The following TUB variants were observed in gnomAD, a reference collection of about 807,000 sequenced individuals.
TUB encodes the protein tubby protein homolog.
Under a neutral mutation model 59.7 loss-of-function variants are expected in TUB, and 33 were observed. That is an observed-to-expected ratio of 0.55 (90% CI 0.42 to 0.74). The LOEUF (loss-of-function observed/expected upper bound fraction) is 0.74. Ranked by LOEUF, TUB falls within the 30% of genes least tolerant of loss-of-function variation. The pLI, the probability that TUB is intolerant of heterozygous loss-of-function variation, is 0.00. For missense variants in TUB, 659 were observed against 672.0 expected, an observed-to-expected ratio of 0.98 and a Z score of 0.21; for synonymous variants, 293 against 256.4, an observed-to-expected ratio of 1.14 and a Z score of -1.36.
Position 8,038,741 on chromosome 11 carries a change from C to T in TUB, c.-133C>T, listed in dbSNP as rs371715570. 150 of 1,500,860 alleles carry T rather than the reference C, an allele frequency of 1.0e-4. No homozygotes were observed. The South Asian group carries it at 1.7e-3, about 17-fold the overall frequency. The allele number at this position is 1,500,860 out of a possible 1,614,324, so 93.0% of individuals were successfully genotyped here. ...GTGGTTGTTAGTCTGACTGTTGCCACGGTGATGAAGGGAGACATCCAAGTG... is the reference window on the plus strand; with the variant it reads ...GTGGTTGTTAGTCTGACTGTTGCCATGGTGATGAAGGGAGACATCCAAGTG... On this transcript the variant is annotated 5_prime_UTR_variant, in exon 1 of 13. Transcript: ENST00000305253.
At chr11:8,066,573 C>T (rs112969862) in intron 2 of TUB, among the ~76,000 whole-genome samples, 1,881 of 152,296 alleles carry the variant, frequency 0.012, 26 homozygotes, top group Middle Eastern at 0.034. Context: ...GAAGCTGCCT[C>T]AGACTTCCCT....
At chr11:8,101,320 C>T (rs1944291693) in intron 11 of TUB, among the ~76,000 whole-genome samples, 166 bp from the exon 12 acceptor site, 1 of 152,210 alleles carries the variant, frequency 6.6e-6, no homozygotes, top group African/African-American at 2.4e-5. Context: ...CTCTTTCCTG[C>T]CACTTCTCCC....
At chr11:8,072,970 T>A (rs1269477577) in intron 2 of TUB, among the ~76,000 whole-genome samples, 2 of 152,248 alleles carry the variant, frequency 1.3e-5, no homozygotes, top group Non-Finnish European at 2.9e-5. Flanking sequence ...AGAGAACGTT[T>A]AGTGCTAAAA....
intron 2 of TUB, among the ~76,000 whole-genome samples, chr11:8,061,859 G>A (rs1432313643): frequency 6.6e-6 from 1 of 152,096 alleles, no homozygotes; most frequent in East Asian, 1.9e-4. Context: ...GGGCCCAGTA[G>A]AAGTGACCCC....
chr11:8,038,554 C>T (rs1942684697), upstream of TUB: 2 of 1,070,132 alleles, frequency 1.9e-6, no homozygotes, highest in Non-Finnish European at 2.3e-6. Flanking sequence ...TAGTAACCCA[C>T]AGATGCAGAG....
At chr11:8,025,773 A>C (rs2133701091) in intron 1 of TUB, among the ~76,000 whole-genome samples, 1 of 152,340 alleles carries the variant, frequency 6.6e-6, no homozygotes, top group East Asian at 1.9e-4. Context: ...GTGAATATTC[A>C]TGTACAGGTC....
intron 3 of TUB, among the ~76,000 whole-genome samples, chr11:8,091,320 C>T (rs554225708): frequency 6.6e-6 from 1 of 152,338 alleles, no homozygotes; most frequent in Admixed American, 6.5e-5. Context: ...CATACAGGCT[C>T]GGTCCCCTGT....
intron 1 of TUB, among the ~76,000 whole-genome samples, chr11:8,025,955 C>A (rs1282393725): frequency 6.6e-6 from 1 of 152,212 alleles, no homozygotes; most frequent in African/African-American, 2.4e-5. Context: ...TCCAATTCCT[C>A]TGCGTTTTTG....
chr11:8,067,228 CAG>C (rs1943261963), intron 2 of TUB, among the ~76,000 whole-genome samples: 1 of 152,344 alleles, frequency 6.6e-6, no homozygotes, highest in South Asian at 2.1e-4. Flanking sequence ...AGAGCCGGCA[CAG>C]GGCATTGTTG....
chr11:8,032,695 T>C (rs1294689776), intron 1 of TUB, among the ~76,000 whole-genome samples: 6 of 47,104 alleles, frequency 1.3e-4, no homozygotes, highest in Non-Finnish European at 3.4e-4. Context: ...CCCGCACATC[T>C]GGCTCACGCC....
chr11:8,092,849 C>T (rs1031931369), intron 3 of TUB, among the ~76,000 whole-genome samples: 4 of 152,106 alleles, frequency 2.6e-5, no homozygotes, highest in African/African-American at 2.4e-5. Flanking sequence ...TGGCTACAGG[C>T]GTTAAATTCA....
At chr11:8,085,186 T>G (rs1943641831) in intron 1 of TUB, among the ~76,000 whole-genome samples, 1 of 152,214 alleles carries the variant, frequency 6.6e-6, no homozygotes, top group African/African-American at 2.4e-5. Flanking sequence ...CTTGTTGTTC[T>G]TTAGAGATCA....
At chr11:8,052,970 ATAAT>A (rs1163129370) in intron 2 of TUB, among the ~76,000 whole-genome samples, 2 of 152,206 alleles carry the variant, frequency 1.3e-5, no homozygotes, top group African/African-American at 2.4e-5. Flanking sequence ...TTCTTTTCTA[ATAAT>A]TATGTGAAAA....
chr11:8,088,968 G>A (rs963773303), intron 1 of TUB, among the ~76,000 whole-genome samples: 1 of 152,206 alleles, frequency 6.6e-6, no homozygotes, highest in African/African-American at 2.4e-5. Context: ...ACACCTCTGT[G>A]TGGCCCAAAC....
rs774461770 is a variant in TUB, at chr11:8,081,543, C to T, written c.33C>T (p.Pro11=). ...CCAAGCCGCATTCCGACTGGATTCC[C>T]TACAGGTACGCGGGCGCCGGGCCGG... MTSKPHSDWI[P]YSVLDDEGRN... Residue 11 remains proline, a synonymous_variant, in exon 1 of 12, where the codon CCC becomes CCT. Coordinates refer to ENST00000299506, the MANE Select transcript of TUB (RefSeq NM_177972.3). 1 of 1,549,928 alleles carries T rather than the reference C, an allele frequency of 6.5e-7. No individual in the cohort carries two copies. Among genetic ancestry groups the T allele is most frequent in the South Asian group, 1.2e-5 (1 of 85,068 alleles).
chr11:8,101,456 T>C (rs778045238), intron 11 of TUB, 30 bp from the exon 12 acceptor site: 25 of 1,600,012 alleles, frequency 1.6e-5, no homozygotes, highest in Non-Finnish European at 2.0e-5. Context: ...TCCTGTCCTT[T>C]TCTCTGTCTG....
exon 2 of TUB, chr11:8,039,658 A>G: frequency 6.5e-7 from 1 of 1,527,098 alleles, no homozygotes; most frequent in Non-Finnish European, 8.8e-7. Flanking sequence ...AACAACCAGG[A>G]GGAAGTACTG....
chr11:8,094,315 C>A, intron 4 of TUB, 126 bp downstream of exon 4: 1 of 1,248,706 alleles, frequency 8.0e-7, no homozygotes, highest in Non-Finnish European at 1.1e-6. Context: ...ACACAGACTG[C>A]CACTCTGGGC....
intron 2 of TUB, among the ~76,000 whole-genome samples, chr11:8,059,207 C>T (rs1943076071): frequency 1.3e-5 from 2 of 152,100 alleles, no homozygotes; most frequent in South Asian, 4.1e-4. Context: ...AGGTGGGGGT[C>T]CCGTTCATTG....
Sources: allele counts gnomAD v4.1 joint callset (sites outside exome capture counted in the v4.1 genomes callset), GRCh38; gene constraint gnomAD v4.1.1; transcripts MANE v1.5; gene names NCBI Gene and HGNC (gene_info 2026-07-23, HGNC 2026-07-21).